The following ITIH5 variants were observed in gnomAD, a reference collection of about 807,000 sequenced individuals.
ITIH5 encodes inter-alpha-trypsin inhibitor heavy chain H5.
In ITIH5, 65 loss-of-function variants were observed where a neutral mutation model predicts 77.5. The observed-to-expected ratio is 0.84, with a 90% CI of 0.69 to 1.03. The LOEUF (loss-of-function observed/expected upper bound fraction) is 1.03. ITIH5 is among the 50% of genes least tolerant of loss of function. ITIH5 has a pLI of 0.00. For missense variants in ITIH5, 1,208 were observed against 1,213.1 expected (o/e 1.00, Z 0.06); for synonymous variants, 525 against 494.3 (o/e 1.06, Z -0.82).
chr10:7,581,721 C>CTTTTTTTTTT (rs142992412), intron 8 of ITIH5, among the ~76,000 whole-genome samples: 1 of 101,722 alleles, frequency 9.8e-6, no homozygotes, highest in African/African-American at 3.6e-5. Context: ...TCTTTTCCTT[C>CTTTTTTTTTT]TTTTTTTTTT....
At chr10:7,604,937 T>C (rs1365137542) in intron 7 of ITIH5, among the ~76,000 whole-genome samples, 1 of 152,122 alleles carries the variant, frequency 6.6e-6, no homozygotes, top group African/African-American at 2.4e-5. Context: ...TTCTCCTGCC[T>C]CAGCCTCCTG....
At chr10:7,579,354 T>C (rs1832490563) in intron 9 of ITIH5, among the ~76,000 whole-genome samples, 1 of 152,062 alleles carries the variant, frequency 6.6e-6, no homozygotes, top group Non-Finnish European at 1.5e-5. Flanking sequence ...GGAGAAACCT[T>C]GTCTCTACTA....
At chr10:7,630,079 A>C (rs1308073364) in intron 5 of ITIH5, among the ~76,000 whole-genome samples, 3 of 152,252 alleles carry the variant, frequency 2.0e-5, no homozygotes, top group African/African-American at 7.2e-5. Flanking sequence ...AAAGTTAAGA[A>C]TAATGCTGAC....
chr10:7,568,625 C>G (rs1449857909), intron 12 of ITIH5, among the ~76,000 whole-genome samples: 1 of 152,216 alleles, frequency 6.6e-6, no homozygotes, highest in Non-Finnish European at 1.5e-5. Flanking sequence ...ACACATATCA[C>G]CTGCTGGGGG....
At chr10:7,604,442 GA>G (rs1833081771) in intron 7 of ITIH5, among the ~76,000 whole-genome samples, 2 of 152,218 alleles carry the variant, frequency 1.3e-5, no homozygotes, top group African/African-American at 4.8e-5. Flanking sequence ...TCTCCTGGGG[GA>G]TATCACTTAA....
At chr10:7,569,968 A>G (rs1364736295) in intron 11 of ITIH5, 184 bp from the exon 12 acceptor site, 2 of 511,020 alleles carry the variant, frequency 3.9e-6, no homozygotes, top group Non-Finnish European at 6.9e-6. Context: ...CCCCAGAATT[A>G]CCCAGTGAGT....
At position 7,571,195 on chromosome 10, in the gene ITIH5, G is replaced by A. The variant is rs1832289856; in HGVS notation, c.2033-1411C>T. On this transcript the variant is annotated intron_variant, in intron 11 of 13. Coordinates refer to ENST00000397146, the MANE Select transcript of ITIH5 (RefSeq NM_030569.7). ...TTCAAGGTGCTGGTCTTTTGCTGAT[G>A]GGGAAAAACTGACCCCCAGAGGAGA... Among the ~76,000 whole-genome samples the A allele has an allele frequency of 2.0e-5, 3 of 152,172 alleles. No individual in the cohort carries two copies. The South Asian group carries it at 6.2e-4, about 32-fold the overall frequency.
At chr10:7,635,375 T>G (rs1833782657) in intron 5 of ITIH5, among the ~76,000 whole-genome samples, 1 of 152,326 alleles carries the variant, frequency 6.6e-6, no homozygotes, top group South Asian at 2.1e-4. Flanking sequence ...GCAAGCCAAG[T>G]CTTACAGCCT....
At chr10:7,617,496 CAT>C (rs1181443950) in intron 5 of ITIH5, 8 of 377,782 alleles carry the variant, frequency 2.1e-5, no homozygotes, top group Non-Finnish European at 3.2e-5. Context: ...TTCTTATGAA[CAT>C]TTTTAAAACA....
chr10:7,582,964 T>C (rs775979167), intron 8 of ITIH5, among the ~76,000 whole-genome samples: 1 of 152,188 alleles, frequency 6.6e-6, no homozygotes, highest in Non-Finnish European at 1.5e-5. Flanking sequence ...AATAATTTCA[T>C]GATACACTTA....
intron 12 of ITIH5, 51 bp from the exon 13 acceptor site, chr10:7,566,458 G>A (rs766522010): frequency 4.6e-6 from 7 of 1,529,274 alleles, no homozygotes; most frequent in Middle Eastern, 2.0e-4. Flanking sequence ...ACCAGGAGTG[G>A]TGGCTCACAC....
At chr10:7,616,712 C>T (rs1018169453) in intron 6 of ITIH5, among the ~76,000 whole-genome samples, 15 of 152,142 alleles carry the variant, frequency 9.9e-5, no homozygotes, top group Non-Finnish European at 2.2e-4. Context: ...CCTGTAATCT[C>T]AGCTACTCGG....
intron 7 of ITIH5, among the ~76,000 whole-genome samples, chr10:7,602,489 T>C (rs1392400601): frequency 1.3e-5 from 2 of 151,996 alleles, no homozygotes; most frequent in African/African-American, 4.8e-5. Context: ...AATGAGTGAG[T>C]CTCACAAGAT....
Position 7,563,260 on chromosome 10 carries a change from G to A in ITIH5, c.2652C>T (p.His884=). 1 of 1,614,210 alleles carries A rather than the reference G, an allele frequency of 6.2e-7. No homozygotes were observed. The highest frequency in any genetic ancestry group is 8.5e-7 in the Non-Finnish European group (1 of 1,180,036). The part of the protein sequence containing the change: ...GPEAVLTVKG[H]QVPVVWKQRK... ...TTTGCTTCCAGACCACTGGGACTTGGTGGCCTTTCACTGTTAGGACGGCCT... is the reference window on the plus strand; with the variant it reads ...TTTGCTTCCAGACCACTGGGACTTGATGGCCTTTCACTGTTAGGACGGCCT... Residue 884 remains histidine, a synonymous_variant, in exon 14 of 14, where the codon CAC becomes CAT. Transcript: ENST00000397146.
intron 8 of ITIH5, among the ~76,000 whole-genome samples, chr10:7,583,119 T>C (rs761358419): frequency 1.3e-5 from 2 of 152,132 alleles, no homozygotes; most frequent in Non-Finnish European, 2.9e-5. Context: ...ATACCTACTC[T>C]GGACCCACAA....
chr10:7,581,339 G>C (rs72779135), intron 8 of ITIH5, among the ~76,000 whole-genome samples: 8,739 of 152,084 alleles, frequency 0.057, 384 homozygotes, highest in African/African-American at 0.12. Context: ...AATTTTATCA[G>C]GAATATGTGG....
At chr10:7,600,136 C>T (rs1450345091) in intron 7 of ITIH5, among the ~76,000 whole-genome samples, 1 of 152,180 alleles carries the variant, frequency 6.6e-6, no homozygotes, top group African/African-American at 2.4e-5. Context: ...TCTTCCTACT[C>T]TGTCTGCCTC....
Position 7,566,207 on chromosome 10 carries a change from A to G in ITIH5, c.2350T>C (p.Trp784Arg), listed in dbSNP as rs2130937938. 1.2e-6 allele frequency: 2 copies of G among 1,613,938 alleles called. No individual in the cohort carries two copies. Among genetic ancestry groups the G allele is most frequent in the Non-Finnish European group, 1.7e-6 (2 of 1,179,940 alleles). ...GCAGACACGGACACCTCCAGCCCCC[A>G]GCTCCCCACCACCACACTCTGGTTG... ...PCNQSVVVGSWGLEVSVSANA... is the reference protein window; with the variant it reads ...PCNQSVVVGSRGLEVSVSANA... The change falls in exon 13 of 14, where the codon TGG (tryptophan) becomes CGG (arginine). Residue 784 changes from tryptophan (W) to arginine (R), a missense_variant. Trp to Arg is a moderately radical substitution (Grantham distance 101, BLOSUM62 -3). Coordinates refer to ENST00000397146, the MANE Select transcript of ITIH5 (RefSeq NM_030569.7).
chr10:7,591,085 C>T (rs913318997), intron 7 of ITIH5, among the ~76,000 whole-genome samples: 4 of 152,078 alleles, frequency 2.6e-5, no homozygotes, highest in African/African-American at 9.7e-5. Flanking sequence ...TTAGTAGAGA[C>T]GGGGTTTCAC....
Sources: allele counts gnomAD v4.1 joint callset (sites outside exome capture counted in the v4.1 genomes callset), GRCh38; gene constraint gnomAD v4.1.1; transcripts MANE v1.5; gene names NCBI Gene and HGNC (gene_info 2026-07-23, HGNC 2026-07-21).